The following SNX29 variants were observed in gnomAD, a reference collection of about 807,000 sequenced individuals.
The protein encoded by SNX29 is sorting nexin 29.
In SNX29, 78 loss-of-function variants were observed where a neutral mutation model predicts 102.1. That is an observed-to-expected ratio of 0.76 (90% CI 0.64 to 0.92). The LOEUF (loss-of-function observed/expected upper bound fraction) is 0.92, where lower values mean the gene tolerates loss of function less well. Among genes scored for constraint, SNX29 ranks in the 40% least tolerant of loss-of-function variants. The probability of loss-of-function intolerance (pLI) is 0.00; values close to 1 mark genes in which losing one functional copy is unlikely to be tolerated. For synonymous variants in SNX29, 580 were observed against 414.5 expected, an observed-to-expected ratio of 1.40 and a Z score of -4.85; for missense variants, 1,280 against 1,061.7, an observed-to-expected ratio of 1.21 and a Z score of -2.86.
intron 14 of SNX29, among the ~76,000 whole-genome samples, chr16:12,252,415 T>G (rs1485548668): frequency 1.3e-5 from 2 of 152,190 alleles, no homozygotes; most frequent in Non-Finnish European, 2.9e-5. Context: ...GCAACTGGCT[T>G]CTTGACCTTT....
intron 15 of SNX29, among the ~76,000 whole-genome samples, chr16:12,285,666 C>T (rs1596759922): frequency 6.6e-6 from 1 of 152,264 alleles, no homozygotes; most frequent in East Asian, 1.9e-4. Flanking sequence ...CAGTGCCTGC[C>T]TCATAAATTG....
At chr16:12,270,238 G>T (rs1302834689) in intron 14 of SNX29, among the ~76,000 whole-genome samples, 5 of 152,128 alleles carry the variant, frequency 3.3e-5, no homozygotes, top group African/African-American at 9.7e-5. Context: ...TTGATCAGTT[G>T]CAAATGTTTG....
At chr16:12,248,926 G>A (rs1323139769) in intron 14 of SNX29, among the ~76,000 whole-genome samples, 1 of 152,192 alleles carries the variant, frequency 6.6e-6, no homozygotes, top group Non-Finnish European at 1.5e-5. Context: ...AGAACAGTGA[G>A]TAGTGTGGAG....
At chr16:12,426,569 T>C (rs1193588405) in intron 18 of SNX29, among the ~76,000 whole-genome samples, 1 of 152,232 alleles carries the variant, frequency 6.6e-6, no homozygotes, top group Non-Finnish European at 1.5e-5. Flanking sequence ...AGGATAGATA[T>C]GTGTTACGTA....
intron 19 of SNX29, chr16:12,515,625 T>G: frequency 2.1e-6 from 1 of 486,382 alleles, no homozygotes. Context: ...CCCAGGTGCC[T>G]TCCTGTCCTA....
At chr16:12,291,765 G>GGA (rs1332786212) in intron 15 of SNX29, among the ~76,000 whole-genome samples, 4 of 152,206 alleles carry the variant, frequency 2.6e-5, no homozygotes, top group Non-Finnish European at 5.9e-5. Context: ...GGGAGATTGG[G>GGA]GAGAGGGATG....
intron 9 of SNX29, among the ~76,000 whole-genome samples, chr16:12,067,969 G>A (rs1441361800): frequency 6.6e-6 from 1 of 151,740 alleles, no homozygotes; most frequent in Admixed American, 6.6e-5. Context: ...TCTTGTGAAT[G>A]CCTTTCCTAA....
At chr16:12,247,945 A>G (rs1165292230) in intron 14 of SNX29, among the ~76,000 whole-genome samples, 1 of 152,124 alleles carries the variant, frequency 6.6e-6, no homozygotes, top group Non-Finnish European at 1.5e-5. Context: ...GTGTAGAATT[A>G]CCATGGAACA....
intron 1 of SNX29, among the ~76,000 whole-genome samples, chr16:11,997,639 G>A (rs1242751068): frequency 3.9e-5 from 6 of 152,006 alleles, no homozygotes; most frequent in Admixed American, 3.3e-4. Context: ...CACCACGCCC[G>A]GCTAATTTTT....
At chr16:12,315,782 A>T (rs1232500390) in intron 15 of SNX29, among the ~76,000 whole-genome samples, 4 of 152,118 alleles carry the variant, frequency 2.6e-5, no homozygotes, top group African/African-American at 9.7e-5. Context: ...TTCCAATAAA[A>T]CTTATTTACA....
chr16:12,541,082 T>C (rs753638109), intron 20 of SNX29, among the ~76,000 whole-genome samples: 6 of 152,160 alleles, frequency 3.9e-5, no homozygotes, highest in Non-Finnish European at 7.3e-5. Context: ...ACTAGCTGCC[T>C]CATGCATCCA....
intron 15 of SNX29, among the ~76,000 whole-genome samples, chr16:12,319,732 C>G (rs1393039509): frequency 6.6e-6 from 1 of 150,986 alleles, no homozygotes; most frequent in Non-Finnish European, 1.5e-5. Flanking sequence ...GCTCTGGGCT[C>G]TGTGTGCCCA....
At chr16:12,542,884 C>T (rs533151564) in intron 20 of SNX29, among the ~76,000 whole-genome samples, 1 of 152,034 alleles carries the variant, frequency 6.6e-6, no homozygotes, top group African/African-American at 2.4e-5. Flanking sequence ...TCTAGAGGTC[C>T]CAGAAACATG....
At chr16:12,425,469 G>A (rs1194009409) in intron 18 of SNX29, among the ~76,000 whole-genome samples, 2 of 145,886 alleles carry the variant, frequency 1.4e-5, no homozygotes, top group Non-Finnish European at 3.0e-5. Context: ...GGCTGCACAC[G>A]TAATTCCATT....
chr16:12,324,173 C>CT (rs1596912936), intron 15 of SNX29, among the ~76,000 whole-genome samples: 1 of 151,706 alleles, frequency 6.6e-6, no homozygotes, highest in South Asian at 2.1e-4. Flanking sequence ...ATTCCATGGG[C>CT]TTTTGGGGGG....
At position 12,477,998 on chromosome 16, in the gene SNX29, G is replaced by T. The variant is rs531883906; in HGVS notation, c.2178+139G>T. 95 of 1,008,226 alleles carry T rather than the reference G, an allele frequency of 9.4e-5. 2 individuals are homozygous for T. The South Asian group carries it at 1.8e-3, about 19-fold the overall frequency. 62.5% of individuals were successfully genotyped at this position (1,008,226 alleles called of 1,614,324 possible). On this transcript the variant is annotated intron_variant, in intron 19 of 20. Transcript: ENST00000566228. Reference sequence around the variant, plus strand: ...GGAGATAAGAAAAAAATAGAGAAAAGAAATAGCCATTCATAATTCCACCAC... The same window carrying T: ...GGAGATAAGAAAAAAATAGAGAAAATAAATAGCCATTCATAATTCCACCAC...
chr16:12,550,384 A>C (rs1168006994), intron 20 of SNX29, among the ~76,000 whole-genome samples: 1 of 152,024 alleles, frequency 6.6e-6, no homozygotes, highest in African/African-American at 2.4e-5. Flanking sequence ...AAAATCCAAA[A>C]ATTAGCCAGG....
chr16:12,169,197 A>G (rs1255776353), intron 13 of SNX29, among the ~76,000 whole-genome samples: 2 of 152,196 alleles, frequency 1.3e-5, no homozygotes, highest in African/African-American at 4.8e-5. Flanking sequence ...ATTGTATCTC[A>G]CAGCTGTTCT....
chr16:12,347,408 T>C (rs1221598488), intron 15 of SNX29, among the ~76,000 whole-genome samples: 2 of 151,970 alleles, frequency 1.3e-5, no homozygotes, highest in African/African-American at 2.4e-5. Flanking sequence ...AAAATGTGTA[T>C]TGGAAGGAAG....
Sources: allele counts gnomAD v4.1 joint callset (sites outside exome capture counted in the v4.1 genomes callset), GRCh38; gene constraint gnomAD v4.1.1; transcripts MANE v1.5; gene names NCBI Gene and HGNC (gene_info 2026-07-23, HGNC 2026-07-21).